The following GK5 variants were observed in gnomAD, a reference collection of about 807,000 sequenced individuals.
GK5 encodes the protein glycerol kinase 5.
GK5 carries 39 observed loss-of-function variants against 77.3 expected under a neutral mutation model. That is an observed-to-expected ratio of 0.50 (90% CI 0.39 to 0.66). The LOEUF (loss-of-function observed/expected upper bound fraction) is 0.66, where lower values mean the gene tolerates loss of function less well. GK5 is among the 30% of genes least tolerant of loss of function. GK5 has a pLI of 0.00. For synonymous variants in GK5, 211 were observed against 208.0 expected, an observed-to-expected ratio of 1.01 and a Z score of -0.13; for missense variants, 487 against 633.8, an observed-to-expected ratio of 0.77 and a Z score of 2.49.
chr3:142,198,991 C>G lies in GK5; in HGVS notation c.412-58G>C, dbSNP rs1215193737. The G allele has an allele frequency of 2.3e-6, 3 of 1,324,318 alleles. No homozygotes were observed. In the African/African-American group the frequency reaches 4.4e-5, roughly 20 times the overall value. 82.0% of individuals were successfully genotyped at this position (1,324,318 alleles called of 1,614,324 possible). ...CATTTAGTAGTGTTTAAAATTTCCA[C>G]ATCAATTCTATATACATGCAAACAA... On this transcript the variant is annotated intron_variant, in intron 4 of 15. Coordinates refer to ENST00000392993, the MANE Select transcript of GK5 (RefSeq NM_001039547.3).
In GK5 at chr3:142,171,520, CATA is replaced by C. The variant is rs749821643; in HGVS notation, c.1248-45_1248-43del. The C allele has an allele frequency of 3.7e-5, 45 of 1,230,104 alleles. No homozygotes were observed. In the Middle Eastern group the frequency reaches 1.1e-3, roughly 30 times the overall value. 76.2% of individuals were successfully genotyped at this position (1,230,104 alleles called of 1,614,324 possible). ...ATAACTATTTATAAGAAATTCATAT[CATA>C]ATAATTCACTACTTTATTCTGATCT... On this transcript the variant is annotated intron_variant, in intron 13 of 15. Transcript: ENST00000392993.
In GK5 at chr3:142,186,492, A is replaced by G; in HGVS notation, c.641T>C (p.Phe214Ser). 1 of 1,555,842 alleles carries G rather than the reference A, an allele frequency of 6.4e-7. No individual in the cohort carries two copies. The highest frequency in any genetic ancestry group is 8.7e-7 in the Non-Finnish European group (1 of 1,147,812). Residue 214 changes from phenylalanine to serine, a missense_variant, in exon 7 of 16, where the codon TTT becomes TCT. Phe to Ser is a radical substitution (Grantham distance 155, BLOSUM62 -2). Coordinates refer to ENST00000392993, the MANE Select transcript of GK5 (RefSeq NM_001039547.3). The stretch of plus-strand genomic sequence containing the variant: ...AAGTCCAGTTGTACTAGCATTTGAA[A>G]AATCTGTGGCATATACAGAACCTAA... ...LTKGSVYATD[F>S]SNASTTGLFD...
Position 142,169,741 on chromosome 3 carries a change from G to A in GK5, c.1441+584C>T, listed in dbSNP as rs1425700446. On this transcript the variant is annotated intron_variant, in intron 15 of 15. Transcript: ENST00000392993. ...GGATGGAATGCAGTGGCACCATCTC[G>A]GCTCACTGCAACCTTCGCCTTCCCA... Among the ~76,000 whole-genome samples, 42 of 144,544 alleles carry A rather than the reference G, an allele frequency of 2.9e-4. No individual in the cohort carries two copies. The Admixed American group carries it at 3.0e-3, about 10-fold the overall frequency. The allele number at this position is 144,544 out of a possible 152,430, so 94.8% of individuals were successfully genotyped here. A position where few individuals can be genotyped will look rare whatever the true frequency, so the allele number is the denominator to read the frequency against.
chr3:142,158,766 C>T lies in GK5; in HGVS notation c.*6856G>A, dbSNP rs2063401515. The T allele has an allele frequency of 1.3e-5, 2 of 152,380 alleles. No individual in the cohort carries two copies. Among genetic ancestry groups the T allele is most frequent in the South Asian group, 4.1e-4 (2 of 4,822 alleles). 9.4% of individuals were successfully genotyped at this position (152,380 alleles called of 1,614,324 possible). A position where few individuals can be genotyped will look rare whatever the true frequency, so the allele number is the denominator to read the frequency against. ...TTCTGAAACCTTTACACAAATCAGC[C>T]TGCTTTAAATAAAAAGGTTAGAAAC... On this transcript the variant is annotated 3_prime_UTR_variant, in exon 16 of 16. Transcript: ENST00000392993.
chr3:142,197,016 T>C (rs1256264332), intron 5 of GK5, among the ~76,000 whole-genome samples: 3 of 152,028 alleles, frequency 2.0e-5, no homozygotes. Context: ...TGAAACCCCA[T>C]CTCTACTAAA....
At chr3:142,189,923 G>A (rs1487592647) in intron 5 of GK5, among the ~76,000 whole-genome samples, 1 of 151,928 alleles carries the variant, frequency 6.6e-6, no homozygotes. Context: ...TAATATCAAG[G>A]TCACATATAT....
At chr3:142,200,610 C>T (rs564631005) in intron 4 of GK5, among the ~76,000 whole-genome samples, 369 of 152,224 alleles carry the variant, frequency 2.4e-3, no homozygotes, top group African/African-American at 7.9e-3. Flanking sequence ...TGGGCAATTC[C>T]TCTTTATACA....
chr3:142,218,903 A>G (rs1440352892), intron 1 of GK5, among the ~76,000 whole-genome samples: 1 of 152,228 alleles, frequency 6.6e-6, no homozygotes, highest in African/African-American at 2.4e-5. Context: ...CGACAGTAAG[A>G]AAACAAAGAA....
chr3:142,193,742 T>C (rs767360996), intron 5 of GK5, among the ~76,000 whole-genome samples: 11 of 152,210 alleles, frequency 7.2e-5, no homozygotes, highest in Non-Finnish European at 1.2e-4. Context: ...CTGTTTTCTT[T>C]CTTTTTTGTG....
At chr3:142,215,184 T>C (rs1442094193) in intron 2 of GK5, among the ~76,000 whole-genome samples, 1 of 152,194 alleles carries the variant, frequency 6.6e-6, no homozygotes, top group African/African-American at 2.4e-5. Context: ...AAGCACTTTA[T>C]GTCAAATGGC....
intron 5 of GK5, among the ~76,000 whole-genome samples, chr3:142,195,758 G>C (rs1017014894): frequency 6.6e-6 from 1 of 152,206 alleles, no homozygotes; most frequent in African/African-American, 2.4e-5. Context: ...CTAAAAGAAA[G>C]AGCTGGGAAG....
intron 12 of GK5, among the ~76,000 whole-genome samples, chr3:142,173,499 A>G (rs1448693135): frequency 2.0e-5 from 3 of 152,038 alleles, no homozygotes; most frequent in African/African-American, 7.2e-5. Context: ...CCTGGCCAAC[A>G]TGGTGAAACC....
chr3:142,191,137 G>T (rs965309953), intron 5 of GK5, among the ~76,000 whole-genome samples: 1 of 151,766 alleles, frequency 6.6e-6, no homozygotes, highest in South Asian at 2.1e-4. Flanking sequence ...CCACCTCCCC[G>T]GTTCAAAAGA....
At chr3:142,217,694 A>G (rs1213917052) in intron 1 of GK5, among the ~76,000 whole-genome samples, 2 of 152,232 alleles carry the variant, frequency 1.3e-5, no homozygotes, top group Non-Finnish European at 2.9e-5. Context: ...ATGAACCCAA[A>G]GCATTACACA....
Position 142,177,586 on chromosome 3 carries a change from C to T in GK5, c.1049-10G>A, listed in dbSNP as rs1046303233. 8 of 1,561,678 alleles carry T rather than the reference C, an allele frequency of 5.1e-6. No homozygotes were observed. Among genetic ancestry groups the T allele is most frequent in the Admixed American group, 1.8e-5 (1 of 55,870 alleles). ...GCATCTGTGAAAAGGTCTGCAAAAA[C>T]AAACAAACAACAAAAAACCCTAAAA... On this transcript the variant is annotated splice_polypyrimidine_tract_variant and intron_variant, in intron 11 of 15. Coordinates refer to ENST00000392993, the MANE Select transcript of GK5 (RefSeq NM_001039547.3).
intron 4 of GK5, among the ~76,000 whole-genome samples, chr3:142,204,005 T>A (rs2064066636): frequency 6.6e-6 from 1 of 152,146 alleles, no homozygotes; most frequent in South Asian, 2.1e-4. Context: ...ATGCCTACTA[T>A]GTATCAGGCA....
intron 15 of GK5, among the ~76,000 whole-genome samples, chr3:142,169,391 T>C (rs780826328): frequency 4.6e-5 from 7 of 152,194 alleles, no homozygotes; most frequent in Non-Finnish European, 8.8e-5. Flanking sequence ...CCTCGATATC[T>C]CATCCTCCAG....
chr3:142,186,163 G>A (rs370693920), intron 8 of GK5, 31 bp downstream of exon 8: 422 of 1,348,448 alleles, frequency 3.1e-4, no homozygotes, highest in Non-Finnish European at 4.2e-4. Context: ...GAACCATTGT[G>A]CTGGTTACTA....
At chr3:142,212,770 T>C (rs1270999530) in intron 3 of GK5, among the ~76,000 whole-genome samples, 2 of 151,758 alleles carry the variant, frequency 1.3e-5, no homozygotes, top group Non-Finnish European at 2.9e-5. Flanking sequence ...CAGTAGCTAT[T>C]ACAATATTAT....
Sources: gnomAD v4.1 joint callset for allele counts (sites outside exome capture counted in the v4.1 genomes callset) on GRCh38, gnomAD v4.1.1 for gene constraint, MANE v1.5 for transcripts, NCBI Gene and HGNC (gene_info 2026-07-23, HGNC 2026-07-21) for gene names.